MFGE8: variants seen among roughly 807,000 people sequenced by gnomAD.
MFGE8 encodes lactadherin.
Under a neutral mutation model 42.6 loss-of-function variants are expected in MFGE8, and 34 were observed. The ratio of observed to expected loss-of-function variants is 0.80; its 90% CI spans 0.61 to 1.06. MFGE8 has a LOEUF of 1.06. MFGE8 is among the 50% of genes least tolerant of loss of function. The probability of loss-of-function intolerance (pLI) is 0.00; values close to 1 mark genes in which losing one functional copy is unlikely to be tolerated. For synonymous variants in MFGE8, 230 were observed against 214.8 expected (o/e 1.07, Z -0.62); for missense variants, 510 against 516.9 (o/e 0.99, Z 0.13).
In MFGE8 at chr15:88,905,733, C is replaced by G. The variant is rs753766860; in HGVS notation, c.685+24G>C. The G allele has an allele frequency of 3.7e-6, 6 of 1,613,700 alleles. No individual in the cohort carries two copies. The highest frequency in any genetic ancestry group is 1.3e-5 in the African/African-American group (1 of 74,904). The stretch of plus-strand genomic sequence containing the variant: ...TCCTAGGATTGGCCAACAGTGCCCC[C>G]CTACCCGCACCCCCAGCACTCACCG... On this transcript the variant is annotated intron_variant, in intron 5 of 7. Coordinates refer to ENST00000268150, the MANE Select transcript of MFGE8 (RefSeq NM_005928.4). This position sits in a 1 kb window ranked among gnomAD's most constrained non-coding sequence, Gnocchi z 6.6.
At position 88,913,306 on chromosome 15, in the gene MFGE8, C is replaced by G. The variant is rs1899058326; in HGVS notation, c.14G>C (p.Arg5Pro). The G allele has an allele frequency of 6.8e-7, 1 of 1,461,978 alleles. No homozygotes were observed. Among genetic ancestry groups the G allele is most frequent in the South Asian group, 1.4e-5 (1 of 73,698 alleles). The allele number at this position is 1,461,978 out of a possible 1,614,324, so 90.6% of individuals were successfully genotyped here. Reference protein sequence around the residue: MPRPRLLAALCGALL... With the variant: MPRPPLLAALCGALL... The stretch of plus-strand genomic sequence containing the variant: ...CGCGCCGCACAGCGCGGCCAGCAGG[C>G]GGGGGCGCGGCATGCTGCGGGGACG... The change falls in exon 1 of 8, where the codon CGC becomes CCC. Residue 5 changes from arginine (R) to proline (P), a missense_variant. Physicochemically the swap from Arg to Pro is moderately radical, Grantham distance 103. Transcript: ENST00000268150.
chr15:88,901,517 A>AAACCCACAAGGGGGTCC, intron 6 of MFGE8, 34 bp downstream of exon 6: 2 of 1,072,614 alleles, frequency 1.9e-6, no homozygotes, highest in Non-Finnish European at 1.4e-6. Flanking sequence ...ATCCCACCCA[A>AAACCCACAAGGGGGTCC]CCCCAGCCCC....
rs1898870604 is a variant in MFGE8 at position 88,909,805 on chromosome 15, G to A, written c.192C>T (p.Asn64=). ...TCTCLKGYAG[N]HCETKCVEPL... ...CCACATACTCACTCGTCTCACAGTG[G>A]TTGCCCGCGTAGCCCTTAAGGCACG... The change falls in exon 2 of 8, where the codon AAC becomes AAT. Residue 64 remains asparagine, a synonymous_variant. Coordinates refer to ENST00000268150, the MANE Select transcript of MFGE8 (RefSeq NM_005928.4). 3 of 1,614,074 alleles carry A rather than the reference G, an allele frequency of 1.9e-6. No individual in the cohort carries two copies. The highest frequency in any genetic ancestry group is 1.1e-5 in the South Asian group (1 of 91,092).
At chr15:88,901,497 G>T in intron 6 of MFGE8, 54 bp downstream of exon 6, 1 of 1,532,380 alleles carries the variant, frequency 6.5e-7, no homozygotes, top group Non-Finnish European at 9.0e-7. Flanking sequence ...AGATCTGGCA[G>T]TCCCACCTCA....
rs536135804 is a variant in MFGE8, at chr15:88,899,102, C to T, written c.*293G>A. ...GGTCCGGACAGGGGCAGGGAAACCA[C>T]ACGCCCTACTTTGCCCTTTCCTGTC... On this transcript the variant is annotated 3_prime_UTR_variant, in exon 8 of 8. Coordinates refer to ENST00000268150, the MANE Select transcript of MFGE8 (RefSeq NM_005928.4). The surrounding 1 kb of genome is among the most constrained non-coding windows in gnomAD (Gnocchi z 6.8). The T allele has an allele frequency of 3.8e-5, 19 of 498,752 alleles. No individual in the cohort carries two copies. The highest frequency in any genetic ancestry group is 3.5e-4 in the African/African-American group (18 of 51,796). 30.9% of individuals were successfully genotyped at this position (498,752 alleles called of 1,614,324 possible).
At chr15:88,912,323 G>GC in intron 1 of MFGE8, 1 of 1,263,576 alleles carries the variant, frequency 7.9e-7, no homozygotes, top group Non-Finnish European at 1.0e-6. Flanking sequence ...GCCGGGGAGG[G>GC]CCAGGAGCTC....
At chr15:88,910,160 G>T in intron 1 of MFGE8, 2 of 470,408 alleles carry the variant, frequency 4.3e-6, no homozygotes, top group Non-Finnish European at 7.8e-6. Flanking sequence ...AAGTGGCCTG[G>T]GAGTGTCCAG....
In MFGE8 at chr15:88,906,767, C is replaced by T. The variant is rs762898549; in HGVS notation, c.399G>A (p.Leu133=). Residue 133 remains leucine, a synonymous_variant, in exon 4 of 8, where the codon CTG becomes CTA. Coordinates refer to ENST00000268150, the MANE Select transcript of MFGE8 (RefSeq NM_005928.4). This position sits in a 1 kb window ranked among gnomAD's most constrained non-coding sequence, Gnocchi z 4.2. ...DDNPWIQVNL[L]RRMWVTGVVT... ...CCACACCTGTTACCCACATCCTCCG[C>T]AGCAGGTTCACCTGGACACAGGGCA... is the stretch of plus-strand genomic sequence containing the variant. 7.4e-6 allele frequency: 12 copies of T among 1,612,852 alleles called. No individual in the cohort carries two copies. In the Admixed American group the frequency reaches 1.5e-4, roughly 20 times the overall value.
intron 2 of MFGE8, among the ~76,000 whole-genome samples, chr15:88,907,829 C>A (rs1898771655): frequency 1.3e-5 from 2 of 152,106 alleles, no homozygotes; most frequent in African/African-American, 4.8e-5. Context: ...CTCAGTGTCC[C>A]CTCCCCCCAC....
Position 88,906,709 on chromosome 15 carries a change from CA to C in MFGE8, c.456del (p.His152GlnfsTer4). 2 of 1,613,906 alleles carry C rather than the reference CA, an allele frequency of 1.2e-6. No individual in the cohort carries two copies. The highest frequency in any genetic ancestry group is 1.7e-6 in the Non-Finnish European group (2 of 1,179,920). ...VTQGASRLAS[H>X]EYLKAFKVAY... ...GCCACCTTGAAGGCCTTCAGGTACT[CA>C]TGACTGGCCAAGCGGCTGGCACCCT... On this transcript the variant is annotated frameshift_variant, in exon 4 of 8. Coordinates refer to ENST00000268150, the MANE Select transcript of MFGE8 (RefSeq NM_005928.4). LOFTEE classifies it high-confidence loss of function. The surrounding 1 kb of genome is among the most constrained non-coding windows in gnomAD (Gnocchi z 4.2).
chr15:88,901,966 C>T lies in MFGE8; in HGVS notation c.686-231G>A, dbSNP rs118035541. ...CCGGGCTCAGCTCCTCACAGATCAC[C>T]CAAGACCTCCCACTCACCACCCTTC... On this transcript the variant is annotated intron_variant, in intron 5 of 7. Transcript: ENST00000268150. 1,171 of 553,676 alleles carry T rather than the reference C, an allele frequency of 2.1e-3. 4 individuals carry two copies. The highest frequency in any genetic ancestry group is 3.1e-3 in the Non-Finnish European group (941 of 300,826). 34.3% of individuals were successfully genotyped at this position (553,676 alleles called of 1,614,324 possible).
intron 1 of MFGE8, among the ~76,000 whole-genome samples, chr15:88,911,579 G>A (rs1048190976): frequency 1.1e-4 from 17 of 151,866 alleles, no homozygotes; most frequent in South Asian, 2.1e-4. Flanking sequence ...AAAATTAGCC[G>A]GGCCGGGCGT....
chr15:88,908,033 C>G (rs1363576277), intron 2 of MFGE8, among the ~76,000 whole-genome samples: 1 of 152,174 alleles, frequency 6.6e-6, no homozygotes, highest in Non-Finnish European at 1.5e-5. Context: ...TGCTTTCCCT[C>G]TTTACGCCTT....
chr15:88,901,205 ACAC>A (rs1898389720), intron 6 of MFGE8, among the ~76,000 whole-genome samples: 1 of 33,986 alleles, frequency 2.9e-5, no homozygotes, highest in African/African-American at 1.1e-4. Context: ...TCACACATTC[ACAC>A]ACACACATTC....
Position 88,906,857 on chromosome 15 carries a change from A to T in MFGE8, c.388-79T>A. 5 of 1,552,172 alleles carry T rather than the reference A, an allele frequency of 3.2e-6. No individual in the cohort carries two copies. Among genetic ancestry groups the T allele is most frequent in the Non-Finnish European group, 4.4e-6 (5 of 1,127,910 alleles). On this transcript the variant is annotated intron_variant, in intron 3 of 7. Coordinates refer to ENST00000268150, the MANE Select transcript of MFGE8 (RefSeq NM_005928.4). The surrounding 1 kb of genome is among the most constrained non-coding windows in gnomAD (Gnocchi z 4.2). The stretch of plus-strand genomic sequence containing the variant: ...AAGATCCAAGCAGACCCATCCCTTC[A>T]CTCCCCCACTGGGTGGGGGAACAAC...
At position 88,907,195 on chromosome 15, in the gene MFGE8, C is replaced by T. The variant is rs747932222; in HGVS notation, c.387G>A (p.Gln129=). The change falls in exon 3 of 8, where the codon CAG becomes CAA. Residue 129 remains glutamine, a splice_region_variant and synonymous_variant. Transcript: ENST00000268150. The part of the protein sequence containing the change: ...PSSNDDNPWI[Q]VNLLRRMWVT... Reference sequence around the variant, plus strand: ...GCCCCAGGGCCATCCCCAGGCATACCTGGATCCAGGGGTTATCGTCATTGC... The same window carrying T: ...GCCCCAGGGCCATCCCCAGGCATACTTGGATCCAGGGGTTATCGTCATTGC... 1 of 1,612,934 alleles carries T rather than the reference C, an allele frequency of 6.2e-7. No individual in the cohort carries two copies. The highest frequency in any genetic ancestry group is 8.5e-7 in the Non-Finnish European group (1 of 1,179,534).
At position 88,909,325 on chromosome 15, in the gene MFGE8, T is replaced by C. The variant is rs552781454; in HGVS notation, c.205+467A>G. On this transcript the variant is annotated intron_variant, in intron 2 of 7. Transcript: ENST00000268150. Reference sequence around the variant, plus strand: ...CCGAGCTCTGCGATGAGGCTGCAGGTCAAACTTGGGCCAGGAACTGTCAGA... The same window carrying C: ...CCGAGCTCTGCGATGAGGCTGCAGGCCAAACTTGGGCCAGGAACTGTCAGA... Among the ~76,000 whole-genome samples the C allele has an allele frequency of 2.0e-5, 3 of 152,286 alleles. No individual in the cohort carries two copies. The South Asian group carries it at 6.2e-4, about 32-fold the overall frequency.
Position 88,899,832 on chromosome 15 carries a change from A to G in MFGE8, c.871-21T>C. On this transcript the variant is annotated intron_variant, in intron 6 of 7. Coordinates refer to ENST00000268150, the MANE Select transcript of MFGE8 (RefSeq NM_005928.4). This position sits in a 1 kb window ranked among gnomAD's most constrained non-coding sequence, Gnocchi z 6.8. ...TCCACCTACAGAAGAAACCAACCACATTTTCTCTGCTTGGACCATCTCCAG... is the reference window on the plus strand; with the variant it reads ...TCCACCTACAGAAGAAACCAACCACGTTTTCTCTGCTTGGACCATCTCCAG... 1 of 1,613,574 alleles carries G rather than the reference A, an allele frequency of 6.2e-7. No individual in the cohort carries two copies. Among genetic ancestry groups the G allele is most frequent in the South Asian group, 1.1e-5 (1 of 91,036 alleles).
intron 6 of MFGE8, among the ~76,000 whole-genome samples, chr15:88,901,162 TTCACACACATTC>T (rs879652849): frequency 0.019 from 1,791 of 96,308 alleles, 51 homozygotes; most frequent in East Asian, 0.069. Context: ...CACACACACA[TTCACACACATTC>T]TCACACATTC....
Sources: allele counts gnomAD v4.1 joint callset (sites outside exome capture counted in the v4.1 genomes callset), GRCh38; gene constraint gnomAD v4.1.1; non-coding constraint Gnocchi (gnomAD v3.1); transcripts MANE v1.5; gene names NCBI Gene and HGNC (gene_info 2026-07-23, HGNC 2026-07-21).